The following EGFR variants were observed in gnomAD, a reference collection of about 807,000 sequenced individuals.
EGFR encodes epidermal growth factor receptor.
Under a neutral mutation model 143.0 loss-of-function variants are expected in EGFR, and 58 were observed. The observed-to-expected ratio is 0.41, with a 90% confidence interval of 0.33 to 0.50. The LOEUF (loss-of-function observed/expected upper bound fraction) is 0.50, where lower values mean the gene tolerates loss of function less well. EGFR is among the 20% of genes least tolerant of loss of function. EGFR has a pLI of 0.39. For synonymous variants in EGFR, 613 were observed against 594.4 expected, an observed-to-expected ratio of 1.03 and a Z score of -0.45; for missense variants, 1,307 against 1,579.0, an observed-to-expected ratio of 0.83 and a Z score of 2.92.
chr7:55,163,932 A>G (rs922005801), intron 14 of EGFR, 109 bp downstream of exon 14: 32 of 1,262,344 alleles, frequency 2.5e-5, no homozygotes, highest in Admixed American at 5.2e-5. Context: ...CGGCCATCAG[A>G]GCCACTTCCC....
intron 1 of EGFR, among the ~76,000 whole-genome samples, chr7:55,041,321 G>A (rs939126198): frequency 6.6e-6 from 1 of 152,146 alleles, no homozygotes; most frequent in Non-Finnish European, 1.5e-5. Flanking sequence ...GGAGGCAGGA[G>A]AATCTCTTGA....
At chr7:55,025,617 A>G (rs911541395) in intron 1 of EGFR, among the ~76,000 whole-genome samples, 2 of 152,202 alleles carry the variant, frequency 1.3e-5, no homozygotes, top group Admixed American at 6.5e-5. Flanking sequence ...CAGGAGAGCA[A>G]TGTGGCTTGA....
chr7:55,155,151 A>T (rs1434125041), intron 7 of EGFR, among the ~76,000 whole-genome samples: 3 of 152,222 alleles, frequency 2.0e-5, no homozygotes, highest in Admixed American at 6.5e-5. Flanking sequence ...AAACAGGAAC[A>T]GGCCAGGCAC....
chr7:55,030,850 A>G (rs184054604), intron 1 of EGFR, among the ~76,000 whole-genome samples: 161 of 152,324 alleles, frequency 1.1e-3, no homozygotes, highest in African/African-American at 3.8e-3. Flanking sequence ...TTAAGAAGAG[A>G]TGGTTTCACA....
At position 55,196,178 on chromosome 7, in the gene EGFR, A is replaced by ATTTTTTTTTT. The variant is rs61541412; in HGVS notation, c.2702-2533_2702-2524dup. ...CACAACCTCACCAGCATGTGTTGGG[A>ATTTTTTTTTT]TTTTTTTTTTTTTTTACTTTTCAAT... On this transcript the variant is annotated intron_variant, in intron 22 of 27. Coordinates refer to ENST00000275493, the MANE Select transcript of EGFR (RefSeq NM_005228.5). Among the ~76,000 whole-genome samples, 12 of 88,112 alleles carry ATTTTTTTTTT rather than the reference A, an allele frequency of 1.4e-4. 2 individuals are homozygous for ATTTTTTTTTT. In the South Asian group the frequency reaches 3.4e-3, roughly 25 times the overall value. 57.8% of individuals were successfully genotyped at this position (88,112 alleles called of 152,430 possible). A position where few individuals can be genotyped will look rare whatever the true frequency, so the allele number is the denominator to read the frequency against.
At position 55,211,243 on chromosome 7, in the gene EGFR, A is replaced by T. The variant is rs1267445101; in HGVS notation, c.*5626A>T. 2.0e-5 allele frequency: 3 copies of T among 152,244 alleles called. No homozygotes were observed. The highest frequency in any genetic ancestry group is 4.8e-5 in the African/African-American group (2 of 41,452). The allele number at this position is 152,244 out of a possible 1,614,324, so 9.4% of individuals were successfully genotyped here. On this transcript the variant is annotated 3_prime_UTR_variant, in exon 28 of 28. Coordinates refer to ENST00000275493, the MANE Select transcript of EGFR (RefSeq NM_005228.5). ...ATGCATTTACTTATCTTTAAAAAAA[A>T]AGGAATCCTATGACCTGATTTGGCC...
intron 1 of EGFR, among the ~76,000 whole-genome samples, chr7:55,036,061 G>GA (rs1787546379): frequency 1.3e-5 from 2 of 152,102 alleles, no homozygotes; most frequent in South Asian, 2.1e-4. Flanking sequence ...TTTCTTAAGT[G>GA]AAATGTTTTT....
intron 16 of EGFR, among the ~76,000 whole-genome samples, chr7:55,172,646 T>C (rs1786403401): frequency 6.6e-6 from 1 of 152,286 alleles, no homozygotes; most frequent in Middle Eastern, 3.4e-3. Context: ...TACCAATCCA[T>C]GAAAAAGCAT....
intron 1 of EGFR, among the ~76,000 whole-genome samples, chr7:55,074,297 C>T (rs1392053753): frequency 6.6e-6 from 1 of 152,250 alleles, no homozygotes; most frequent in Non-Finnish European, 1.5e-5. Flanking sequence ...CACATGTTCA[C>T]TCTGAGATCC....
intron 1 of EGFR, among the ~76,000 whole-genome samples, chr7:55,022,308 G>A (rs962534204): frequency 2.0e-5 from 3 of 152,104 alleles, no homozygotes; most frequent in African/African-American, 4.8e-5. Context: ...AAATAAGCCC[G>A]CCCAGCCCCA....
At chr7:55,053,504 T>C (rs1463440456) in intron 1 of EGFR, among the ~76,000 whole-genome samples, 1 of 152,250 alleles carries the variant, frequency 6.6e-6, no homozygotes, top group East Asian at 1.9e-4. Flanking sequence ...AGTTGGCTAG[T>C]CAGTGGAGCT....
chr7:55,201,093 A>G (rs2128971280), intron 24 of EGFR, 95 bp from the exon 25 acceptor site: 1 of 1,518,852 alleles, frequency 6.6e-7, no homozygotes, highest in Non-Finnish European at 9.1e-7. Context: ...GCAAACACAC[A>G]GGCACCTGCT....
At position 55,201,228 on chromosome 7, in the gene EGFR, A is replaced by G. The variant is rs762795214; in HGVS notation, c.2987A>G (p.Asn996Ser). The change falls in exon 25 of 28, where the codon AAC (asparagine) becomes AGC (serine). Residue 996 changes from asparagine to serine, a missense_variant. Around this residue, in one of 7 missense-constraint regions of EGFR, gnomAD observed 313 missense variants for 312.3 expected, o/e 1.00. Transcript: ENST00000275493. ...CATTTGCCAAGTCCTACAGACTCCAACTTCTACCGTGCCCTGATGGATGAA... is the reference window on the plus strand; with the variant it reads ...CATTTGCCAAGTCCTACAGACTCCAGCTTCTACCGTGCCCTGATGGATGAA... ...RMHLPSPTDS[N>S]FYRALMDEED... is the part of the protein sequence containing the mutation. 8 of 1,614,046 alleles carry G rather than the reference A, an allele frequency of 5.0e-6. No individual in the cohort carries two copies. Among genetic ancestry groups the G allele is most frequent in the Admixed American group, 1.7e-5 (1 of 60,006 alleles).
intron 2 of EGFR, 45 bp from the exon 3 acceptor site, chr7:55,143,260 A>G (rs1481127534): frequency 6.2e-7 from 1 of 1,611,552 alleles, no homozygotes; most frequent in Non-Finnish European, 8.5e-7. Context: ...TGAGTTCTTG[A>G]GTTCCTCAAA....
intron 1 of EGFR, among the ~76,000 whole-genome samples, chr7:55,058,280 G>A (rs949055351): frequency 6.6e-6 from 1 of 152,146 alleles, no homozygotes; most frequent in Admixed American, 6.5e-5. Flanking sequence ...TGTAATCCCA[G>A]CTACTCGGAA....
At chr7:55,178,780 T>C (rs1196382260) in intron 19 of EGFR, among the ~76,000 whole-genome samples, 1 of 152,206 alleles carries the variant, frequency 6.6e-6, no homozygotes, top group Non-Finnish European at 1.5e-5. Context: ...AAAAGGAAAA[T>C]AACACACACT....
chr7:55,202,990 C>T (rs1341359200), intron 27 of EGFR: 1 of 520,332 alleles, frequency 1.9e-6, no homozygotes, highest in African/African-American at 1.9e-5. Context: ...TCCCTGTTCT[C>T]TCTGCTGGCT....
intron 1 of EGFR, among the ~76,000 whole-genome samples, chr7:55,091,791 A>T (rs1191989781): frequency 6.6e-6 from 1 of 150,744 alleles, no homozygotes; most frequent in Admixed American, 6.6e-5. Context: ...CACTCAGAGG[A>T]TTTCAAAGCA....
chr7:55,098,932 A>C (rs1791639638), intron 1 of EGFR, among the ~76,000 whole-genome samples: 1 of 152,218 alleles, frequency 6.6e-6, no homozygotes, highest in Non-Finnish European at 1.5e-5. Context: ...ATTTCGAAGC[A>C]GTGGGGAGTC....
Sources: gnomAD v4.1 joint callset for allele counts (sites outside exome capture counted in the v4.1 genomes callset) on GRCh38, gnomAD v4.1.1 for gene constraint, gnomAD v4.1.1 regional missense constraint, MANE v1.5 for transcripts, NCBI Gene and HGNC (gene_info 2026-07-23, HGNC 2026-07-21) for gene names.